The following UBA6 variants were observed in gnomAD, a reference collection of about 807,000 sequenced individuals.
The protein encoded by UBA6 is ubiquitin-like modifier-activating enzyme 6.
Under a neutral mutation model 148.3 loss-of-function variants are expected in UBA6, and 87 were observed. That is an observed-to-expected ratio of 0.59 (90% CI 0.49 to 0.70). The LOEUF (loss-of-function observed/expected upper bound fraction) is 0.70, where lower values mean the gene tolerates loss of function less well. Among genes scored for constraint, UBA6 ranks in the 30% least tolerant of loss-of-function variants. The pLI is 0.00. For missense variants in UBA6, 1,186 were observed against 1,241.2 expected (o/e 0.96, Z 0.67); for synonymous variants, 376 against 401.0 (o/e 0.94, Z 0.75).
rs1185757950 is a variant in UBA6 at position 67,614,329 on chromosome 4, T to TG, written c.*4667dup. On this transcript the variant is annotated 3_prime_UTR_variant, in exon 33 of 33. Coordinates refer to ENST00000322244, the MANE Select transcript of UBA6 (RefSeq NM_018227.6). Reference sequence around the variant, plus strand: ...AAAACCAAGATGTACTCTGACCACCTGGGGCACATGTTCTCTGGACCTCCT... The same window carrying TG: ...AAAACCAAGATGTACTCTGACCACCTGGGGGCACATGTTCTCTGGACCTCCT... 6.6e-6 allele frequency: 1 copy of TG among 152,220 alleles called. No individual in the cohort carries two copies. The highest frequency in any genetic ancestry group is 2.4e-5 in the African/African-American group (1 of 41,458). The allele number at this position is 152,220 out of a possible 1,614,324, so 9.4% of individuals were successfully genotyped here. A position where few individuals can be genotyped will look rare whatever the true frequency, so the allele number is the denominator to read the frequency against.
chr4:67,635,270 C>T (rs976435448), intron 20 of UBA6, among the ~76,000 whole-genome samples, 183 bp downstream of exon 20: 35 of 151,850 alleles, frequency 2.3e-4, no homozygotes, highest in African/African-American at 8.5e-4. Context: ...AAACACCAGA[C>T]ACAAAATTCT....
intron 31 of UBA6, 21 bp downstream of exon 31, chr4:67,623,114 A>G: frequency 6.3e-7 from 1 of 1,576,328 alleles, no homozygotes; most frequent in Non-Finnish European, 8.7e-7. Flanking sequence ...CTAATGAACT[A>G]AATGAACAAA....
rs1728565802 is a variant in UBA6, at chr4:67,612,950, C to G, written c.*6047G>C. 1.3e-5 allele frequency: 2 copies of G among 152,168 alleles called. No homozygotes were observed. The allele number at this position is 152,168 out of a possible 1,614,324, so 9.4% of individuals were successfully genotyped here. On this transcript the variant is annotated 3_prime_UTR_variant, in exon 33 of 33. Coordinates refer to ENST00000322244, the MANE Select transcript of UBA6 (RefSeq NM_018227.6). Reference sequence around the variant, plus strand: ...CTGTGTTAGGAGTATTTATAGATTGCAAAAGGCCACTGGGAAGTTGAGTAG... The same window carrying G: ...CTGTGTTAGGAGTATTTATAGATTGGAAAAGGCCACTGGGAAGTTGAGTAG...
intron 16 of UBA6, 150 bp from the exon 17 acceptor site, chr4:67,644,928 C>A (rs1359063490): frequency 7.9e-6 from 4 of 508,902 alleles, no homozygotes; most frequent in Non-Finnish European, 1.4e-5. Flanking sequence ...TGTACAATTT[C>A]TTTAAACAGA....
At chr4:67,666,636 G>A (rs13130589) in intron 9 of UBA6, among the ~76,000 whole-genome samples, 34,917 of 151,972 alleles carry the variant, frequency 0.23, 4,166 homozygotes, top group Middle Eastern at 0.3. Context: ...AACACTTTGG[G>A]CAGCCAAGGC....
intron 17 of UBA6, among the ~76,000 whole-genome samples, chr4:67,644,247 A>G (rs767910546): frequency 2.0e-5 from 3 of 152,084 alleles, no homozygotes; most frequent in Non-Finnish European, 4.4e-5. Context: ...TTGTACACTG[A>G]GCTTTATATT....
intron 30 of UBA6, among the ~76,000 whole-genome samples, chr4:67,623,624 T>C (rs1728802004): frequency 6.6e-6 from 1 of 152,198 alleles, no homozygotes; most frequent in African/African-American, 2.4e-5. Context: ...TTGAGACTTG[T>C]GCAAATGTAT....
chr4:67,652,650 C>T (rs979885343), intron 13 of UBA6, among the ~76,000 whole-genome samples: 1 of 152,194 alleles, frequency 6.6e-6, no homozygotes, highest in African/African-American at 2.4e-5. Flanking sequence ...ACTGAGGTAT[C>T]TGGTTCATCC....
intron 2 of UBA6, 64 bp from the exon 3 acceptor site, chr4:67,682,277 T>C: frequency 7.7e-7 from 1 of 1,298,070 alleles, no homozygotes; most frequent in Non-Finnish European, 1.1e-6. Flanking sequence ...TCTCTTAAAG[T>C]TGTTTGCAAA....
chr4:67,658,643 T>A (rs2109929146), intron 13 of UBA6, among the ~76,000 whole-genome samples: 1 of 152,084 alleles, frequency 6.6e-6, no homozygotes. Flanking sequence ...ATGATGCAAA[T>A]TTACCTATAT....
At chr4:67,669,028 T>C (rs1730076154) in intron 8 of UBA6, among the ~76,000 whole-genome samples, 1 of 152,000 alleles carries the variant, frequency 6.6e-6, no homozygotes, top group Admixed American at 6.6e-5. Flanking sequence ...TGGGCATAAA[T>C]GATAAAAGCC....
chr4:67,690,782 A>G lies in UBA6; in HGVS notation c.134+5863T>C, dbSNP rs569123954. ...TGGATGACCATTATAAAACAAAACA[A>G]AACAAAACAAAACATAACAAGTATT... On this transcript the variant is annotated intron_variant, in intron 2 of 32. Coordinates refer to ENST00000322244, the MANE Select transcript of UBA6 (RefSeq NM_018227.6). 2.9e-4 allele frequency among the ~76,000 whole-genome samples: 44 copies of G among 152,212 alleles called. No individual in the cohort carries two copies. In the South Asian group the frequency reaches 8.9e-3, roughly 31 times the overall value.
chr4:67,647,032 A>G (rs957036968), intron 14 of UBA6, among the ~76,000 whole-genome samples: 2 of 152,184 alleles, frequency 1.3e-5, no homozygotes, highest in African/African-American at 4.8e-5. Context: ...TCACTTAGCC[A>G]TCACAAACAT....
chr4:67,682,436 T>C lies in UBA6; in HGVS notation c.135-223A>G, dbSNP rs371078076. 7.2e-5 allele frequency among the ~76,000 whole-genome samples: 11 copies of C among 152,252 alleles called. No homozygotes were observed. In the East Asian group the frequency reaches 9.6e-4, roughly 13 times the overall value. ...CACAATCCATATTCCCTCAAGGCAATAGACAGATGGAGGTGAGTAAGAGTT... is the reference window on the plus strand; with the variant it reads ...CACAATCCATATTCCCTCAAGGCAACAGACAGATGGAGGTGAGTAAGAGTT... On this transcript the variant is annotated intron_variant, in intron 2 of 32. Transcript: ENST00000322244.
Position 67,634,312 on chromosome 4 carries a change from G to T in UBA6, c.1943C>A (p.Ser648Tyr). ...AAACAATGAAGGTTTGTGGGAAAAG[G>T]AACTTTCAAACTGTAACAGAGAAAA... ...IQWARDKFESSFSHKPSLFNK... is the reference protein window; with the variant it reads ...IQWARDKFESYFSHKPSLFNK... Residue 648 changes from serine to tyrosine, a missense_variant, in exon 22 of 33, where the codon TCC becomes TAC. By Grantham distance (144) the Ser-to-Tyr change is moderately radical. Transcript: ENST00000322244. 6.3e-7 allele frequency: 1 copy of T among 1,590,254 alleles called. No individual in the cohort carries two copies. The highest frequency in any genetic ancestry group is 1.2e-5 in the South Asian group (1 of 85,004).
chr4:67,628,389 G>A (rs915901313), intron 27 of UBA6, among the ~76,000 whole-genome samples: 1 of 151,660 alleles, frequency 6.6e-6, no homozygotes, highest in Non-Finnish European at 1.5e-5. Flanking sequence ...AGCTTTTCAA[G>A]GCCTTTCTCT....
intron 1 of UBA6, among the ~76,000 whole-genome samples, chr4:67,697,724 C>T (rs908736642): frequency 6.6e-6 from 1 of 152,188 alleles, no homozygotes; most frequent in Non-Finnish European, 1.5e-5. Context: ...CTGATCATTT[C>T]TTACTATTTC....
chr4:67,615,947 T>C lies in UBA6; in HGVS notation c.*3050A>G. ...ACTACATGTGTAATTTCTGAACTGC[T>C]GTCAATATATTCTACTAAGCTGAGT... is the stretch of plus-strand genomic sequence containing the variant. On this transcript the variant is annotated 3_prime_UTR_variant, in exon 33 of 33. Coordinates refer to ENST00000322244, the MANE Select transcript of UBA6 (RefSeq NM_018227.6). 1 of 350,594 alleles carries C rather than the reference T, an allele frequency of 2.9e-6. No homozygotes were observed. Among genetic ancestry groups the C allele is most frequent in the East Asian group, 3.9e-5 (1 of 25,784 alleles). The allele number at this position is 350,594 out of a possible 1,614,324, so 21.7% of individuals were successfully genotyped here. A position where few individuals can be genotyped will look rare whatever the true frequency, so the allele number is the denominator to read the frequency against.
intron 5 of UBA6, 113 bp from the exon 6 acceptor site, chr4:67,677,835 G>C: frequency 1.9e-6 from 1 of 535,406 alleles, no homozygotes; most frequent in Non-Finnish European, 3.2e-6. Context: ...AATTTCAATG[G>C]AAACTTACCT....
Sources: gnomAD v4.1 joint callset for allele counts (sites outside exome capture counted in the v4.1 genomes callset) on GRCh38, gnomAD v4.1.1 for gene constraint, MANE v1.5 for transcripts, NCBI Gene and HGNC (gene_info 2026-07-23, HGNC 2026-07-21) for gene names.